SLC7A5: variants seen among roughly 807,000 people sequenced by gnomAD.
SLC7A5 encodes large neutral amino acids transporter small subunit 1.
In SLC7A5, 23 loss-of-function variants were observed where a neutral mutation model predicts 50.2. That is an observed-to-expected ratio of 0.46 (90% CI 0.33 to 0.65). The LOEUF (loss-of-function observed/expected upper bound fraction) is 0.65, where lower values mean the gene tolerates loss of function less well. Ranked by LOEUF, SLC7A5 falls within the 30% of genes least tolerant of loss-of-function variation. The pLI, the probability that SLC7A5 is intolerant of heterozygous loss-of-function variation, is 0.02. For missense variants in SLC7A5, 578 were observed against 684.4 expected (o/e 0.84, Z 1.73); for synonymous variants, 393 against 330.6 (o/e 1.19, Z -2.05).
rs1176765249 is a variant in SLC7A5 at position 87,860,377 on chromosome 16, C to A, written c.538+8508G>T. Among the ~76,000 whole-genome samples the A allele has an allele frequency of 6.8e-6, 1 of 147,172 alleles. No homozygotes were observed. Among genetic ancestry groups the A allele is most frequent in the African/African-American group, 2.6e-5 (1 of 38,630 alleles). Reference sequence around the variant, plus strand: ...ACACACACACACACACACACACACACACACACACACACACACACACACATA... The same window carrying A: ...ACACACACACACACACACACACACAAACACACACACACACACACACACATA... On this transcript the variant is annotated intron_variant, in intron 1 of 9. Transcript: ENST00000261622. The surrounding 1 kb of genome is among the most constrained non-coding windows in gnomAD (Gnocchi z 4.8).
At chr16:87,840,970 G>C in intron 3 of SLC7A5, 80 bp downstream of exon 3, 1 of 979,054 alleles carries the variant, frequency 1.0e-6, no homozygotes, top group Non-Finnish European at 1.7e-6. Flanking sequence ...GCCCCTTGAT[G>C]GCTGGGAGAT....
chr16:87,869,054 G>C lies in SLC7A5; in HGVS notation c.369C>G (p.Val123=). The C allele has an allele frequency of 6.2e-7, 1 of 1,611,932 alleles. No homozygotes were observed. Among genetic ancestry groups the C allele is most frequent in the Admixed American group, 1.7e-5 (1 of 60,024 alleles). The part of the protein sequence containing the change: ...SGGDYAYMLE[V]YGSLPAFLKL... ...TGAGGAAGGCGGGCAGCGAGCCGTA[G>C]ACCTCCAGCATGTAGGCGTAGTCGC... The change falls in exon 1 of 10, where the codon GTC becomes GTG. Residue 123 remains valine, a synonymous_variant. Coordinates refer to ENST00000261622, the MANE Select transcript of SLC7A5 (RefSeq NM_003486.7).
intron 2 of SLC7A5, among the ~76,000 whole-genome samples, chr16:87,850,955 G>A (rs138783441): frequency 8.5e-5 from 13 of 152,304 alleles, no homozygotes; most frequent in African/African-American, 3.1e-4. Flanking sequence ...GAGAACACAG[G>A]TGCAAAGGGG....
chr16:87,848,313 C>T (rs2055178812), intron 2 of SLC7A5, among the ~76,000 whole-genome samples: 2 of 152,232 alleles, frequency 1.3e-5, no homozygotes, highest in African/African-American at 4.8e-5. Flanking sequence ...ACAAAGCGCC[C>T]CATTGTGTCC....
In SLC7A5 at chr16:87,862,642, A is replaced by G. The variant is rs2143828421; in HGVS notation, c.538+6243T>C. On this transcript the variant is annotated intron_variant, in intron 1 of 9. Transcript: ENST00000261622. The surrounding 1 kb of genome is among the most constrained non-coding windows in gnomAD (Gnocchi z 5.3). ...TGAGGGCTGCTCCATGTGCACAGTGAGCAGGAGATACAGGCACGTGGAGGG... is the reference window on the plus strand; with the variant it reads ...TGAGGGCTGCTCCATGTGCACAGTGGGCAGGAGATACAGGCACGTGGAGGG... Among the ~76,000 whole-genome samples, 2 of 152,340 alleles carry G rather than the reference A, an allele frequency of 1.3e-5. 1 individual carries two copies. The highest frequency in any genetic ancestry group is 4.1e-4 in the South Asian group (2 of 4,828).
chr16:87,835,738 T>C (rs1296805082), intron 8 of SLC7A5, among the ~76,000 whole-genome samples: 1 of 152,166 alleles, frequency 6.6e-6, no homozygotes, highest in Non-Finnish European at 1.5e-5. Context: ...CCTCCCAAAG[T>C]GCTGGGATTA....
chr16:87,853,152 C>A lies in SLC7A5; in HGVS notation c.539-1303G>T, dbSNP rs1412376047. ...TAACGCTCAGAAAGGTCTGGCCAGC[C>A]AAGGCCTTGAGGACTCCAGTGGCTT... On this transcript the variant is annotated intron_variant, in intron 1 of 9. Transcript: ENST00000261622. The surrounding 1 kb of genome is among the most constrained non-coding windows in gnomAD (Gnocchi z 4.4). 6.6e-6 allele frequency among the ~76,000 whole-genome samples: 1 copy of A among 152,242 alleles called. No homozygotes were observed. The highest frequency in any genetic ancestry group is 1.5e-5 in the Non-Finnish European group (1 of 68,038).
chr16:87,832,862 G>A lies in SLC7A5; in HGVS notation c.*108C>T, dbSNP rs2054949916. 1 of 888,560 alleles carries A rather than the reference G, an allele frequency of 1.1e-6. No individual in the cohort carries two copies. The highest frequency in any genetic ancestry group is 1.3e-5 in the South Asian group (1 of 76,384). 55.0% of individuals were successfully genotyped at this position (888,560 alleles called of 1,614,324 possible). A position where few individuals can be genotyped will look rare whatever the true frequency, so the allele number is the denominator to read the frequency against. Reference sequence around the variant, plus strand: ...CCTGGGAGGGACGGCGAGGGACTGGGATGGGCAGCTGAGCTGTGGGTTGCG... The same window carrying A: ...CCTGGGAGGGACGGCGAGGGACTGGAATGGGCAGCTGAGCTGTGGGTTGCG... On this transcript the variant is annotated 3_prime_UTR_variant, in exon 10 of 10. Transcript: ENST00000261622. This position sits in a 1 kb window ranked among gnomAD's most constrained non-coding sequence, Gnocchi z 4.6.
intron 1 of SLC7A5, among the ~76,000 whole-genome samples, chr16:87,855,935 C>T (rs573560666): frequency 6.6e-6 from 1 of 152,306 alleles, no homozygotes; most frequent in South Asian, 2.1e-4. Context: ...CTCTGTTGGC[C>T]ACAGAGGCTG....
intron 1 of SLC7A5, among the ~76,000 whole-genome samples, chr16:87,865,560 A>C (rs2055449487): frequency 1.3e-5 from 2 of 152,196 alleles, no homozygotes; most frequent in South Asian, 2.1e-4. Flanking sequence ...AATACAAAAA[A>C]TTAGCTGGGC....
intron 1 of SLC7A5, among the ~76,000 whole-genome samples, chr16:87,868,478 C>G (rs1004655605): frequency 6.6e-6 from 1 of 152,166 alleles, no homozygotes; most frequent in African/African-American, 2.4e-5. Context: ...ACTGCAATTT[C>G]CTTCTCACCA....
At chr16:87,835,663 A>G (rs369205639) in intron 8 of SLC7A5, among the ~76,000 whole-genome samples, 192 of 152,066 alleles carry the variant, frequency 1.3e-3, no homozygotes, top group South Asian at 5.8e-3. Flanking sequence ...TTTAGTAGAG[A>G]CGGGGTTTCA....
rs71230730 is a variant in SLC7A5 at position 87,845,523 on chromosome 16, A to AGAGTCCACGCCCACCCCACG, written c.665-4388_665-4369dup. On this transcript the variant is annotated intron_variant, in intron 2 of 9. Coordinates refer to ENST00000261622, the MANE Select transcript of SLC7A5 (RefSeq NM_003486.7). Reference sequence around the variant, plus strand: ...CCCAGAGTCCATGCCCACTCCAGGCAGAGTCCACGCCCACCCCACGGAGTC... The same window carrying AGAGTCCACGCCCACCCCACG: ...CCCAGAGTCCATGCCCACTCCAGGCAGAGTCCACGCCCACCCCACGGAGTCCACGCCCACCCCACGGAGTC... Among the ~76,000 whole-genome samples, 10 of 150,096 alleles carry AGAGTCCACGCCCACCCCACG rather than the reference A, an allele frequency of 6.7e-5. 1 individual carries two copies. In the East Asian group the frequency reaches 1.8e-3, roughly 27 times the overall value.
In SLC7A5 at chr16:87,833,293, G is replaced by A. The variant is rs1455749554; in HGVS notation, c.1469-268C>T. On this transcript the variant is annotated intron_variant, in intron 9 of 9. Transcript: ENST00000261622. This position sits in a 1 kb window ranked among gnomAD's most constrained non-coding sequence, Gnocchi z 6.0. ...CAGAACCCTGGGGAGGCAGAGTGCG[G>A]CCCCTGGGGCACACGAACCAGGCCC... Among the ~76,000 whole-genome samples the A allele has an allele frequency of 6.6e-6, 1 of 152,252 alleles. No homozygotes were observed. The highest frequency in any genetic ancestry group is 1.5e-5 in the Non-Finnish European group (1 of 68,034).
intron 8 of SLC7A5, among the ~76,000 whole-genome samples, chr16:87,835,812 C>T (rs1311039845): frequency 6.6e-6 from 1 of 152,204 alleles, no homozygotes; most frequent in Non-Finnish European, 1.5e-5. Flanking sequence ...ACCCCCGGGG[C>T]CCCCAGGCTT....
intron 3 of SLC7A5, 80 bp downstream of exon 3, chr16:87,840,969 TG>T: frequency 1.0e-6 from 1 of 976,888 alleles, no homozygotes; most frequent in East Asian, 2.4e-5. Context: ...TGCCCCTTGA[TG>T]GCTGGGAGAT....
chr16:87,867,971 C>G (rs1396830415), intron 1 of SLC7A5, among the ~76,000 whole-genome samples: 2 of 151,844 alleles, frequency 1.3e-5, no homozygotes, highest in Admixed American at 6.6e-5. Context: ...AAAAAAATTA[C>G]CCGGGCGTAG....
At position 87,834,494 on chromosome 16, in the gene SLC7A5, G is replaced by A. The variant is rs1405669895; in HGVS notation, c.1388C>T (p.Thr463Ile). ...KTPVECGIGF[T>I]IILSGLPVYF... ...GACGGGCAGCCCGCTGAGGATGATG[G>A]TGAAGCCGATGCCACACTCCACGGG... The change falls in exon 9 of 10, where the codon ACC (threonine) becomes ATC (isoleucine). Residue 463 changes from threonine (T) to isoleucine (I), a missense_variant. Thr to Ile is a moderately conservative substitution (Grantham distance 89, BLOSUM62 -1). Transcript: ENST00000261622. The A allele has an allele frequency of 6.3e-7, 1 of 1,584,756 alleles. No individual in the cohort carries two copies. Among genetic ancestry groups the A allele is most frequent in the African/African-American group, 1.3e-5 (1 of 74,808 alleles).
intron 2 of SLC7A5, among the ~76,000 whole-genome samples, chr16:87,844,542 T>C (rs2055125156): frequency 6.6e-6 from 1 of 152,194 alleles, no homozygotes; most frequent in South Asian, 2.1e-4. Flanking sequence ...GAACGGGATC[T>C]TCCCCCTCCT....
Sources: gnomAD v4.1 joint callset for allele counts (sites outside exome capture counted in the v4.1 genomes callset) on GRCh38, gnomAD v4.1.1 for gene constraint, Gnocchi (gnomAD v3.1) non-coding constraint, MANE v1.5 for transcripts, NCBI Gene and HGNC (gene_info 2026-07-23, HGNC 2026-07-21) for gene names.